LYST: variants seen among roughly 807,000 people sequenced by gnomAD.
The protein encoded by LYST is lysosomal trafficking regulator, also known as lysosomal-trafficking regulator.
In LYST, 192 loss-of-function variants were observed where a neutral mutation model predicts 413.6. The observed-to-expected ratio is 0.46, with a 90% CI of 0.41 to 0.52. The LOEUF is 0.52. LYST is among the 20% of genes least tolerant of loss of function. The pLI is 0.00. For missense variants in LYST, 3,815 were observed against 4,499.9 expected, an observed-to-expected ratio of 0.85 and a Z score of 4.35; for synonymous variants, 1,525 against 1,567.3, an observed-to-expected ratio of 0.97 and a Z score of 0.64.
chr1:235,803,271 T>G (rs540311808), intron 7 of LYST, among the ~76,000 whole-genome samples: 49 of 152,086 alleles, frequency 3.2e-4, no homozygotes, highest in Admixed American at 1.5e-3. Context: ...AAAAAGGGGG[T>G]TTCTAACAAA....
intron 1 of LYST, among the ~76,000 whole-genome samples, chr1:235,851,719 A>C (rs1253389498): frequency 6.6e-6 from 1 of 152,046 alleles, no homozygotes; most frequent in Non-Finnish European, 1.5e-5. Context: ...CACTCTCGAG[A>C]ATACTGAAGC....
In LYST at chr1:235,712,888, C is replaced by G. The variant is rs551658011; in HGVS notation, c.9785-691G>C. On this transcript the variant is annotated intron_variant, in intron 42 of 52. Coordinates refer to ENST00000389793, the MANE Select transcript of LYST (RefSeq NM_000081.4). ...TTTCTGCCAACAATGATCAGACTTTCTAGCCATAGGGAAAGGCCTAGAATA... is the reference window on the plus strand; with the variant it reads ...TTTCTGCCAACAATGATCAGACTTTGTAGCCATAGGGAAAGGCCTAGAATA... The G allele has an allele frequency of 1.5e-5, 15 of 985,254 alleles. No individual in the cohort carries two copies. In the African/African-American group the frequency reaches 1.6e-4, roughly 10 times the overall value. 61.0% of individuals were successfully genotyped at this position (985,254 alleles called of 1,614,324 possible).
intron 3 of LYST, chr1:235,827,477 A>G (rs1675457115): frequency 1.0e-6 from 1 of 983,626 alleles, no homozygotes; most frequent in Non-Finnish European, 1.2e-6. Flanking sequence ...AGAAGCACAG[A>G]TAGAAAAACT....
At chr1:235,747,416 G>T in intron 28 of LYST, 4 of 240,166 alleles carry the variant, frequency 1.7e-5, no homozygotes, top group East Asian at 9.6e-5. Context: ...ATTATAACAG[G>T]TTTTAAAGAC....
chr1:235,808,128 C>G (rs1046817129), intron 5 of LYST, among the ~76,000 whole-genome samples: 1 of 152,132 alleles, frequency 6.6e-6, no homozygotes, highest in African/African-American at 2.4e-5. Context: ...AGTTGTATAT[C>G]TAAAACTTTT....
At chr1:235,729,513 T>G in intron 37 of LYST, 83 bp downstream of exon 37, 2 of 917,074 alleles carry the variant, frequency 2.2e-6, no homozygotes, top group African/African-American at 3.2e-5. Context: ...TTTAATGGCA[T>G]GCTGTCAAAA....
intron 11 of LYST, among the ~76,000 whole-genome samples, 164 bp downstream of exon 11, chr1:235,793,339 A>G (rs536717622): frequency 5.3e-5 from 8 of 152,344 alleles, no homozygotes; most frequent in African/African-American, 1.9e-4. Flanking sequence ...ATATATGCAA[A>G]TAATTGAGTA....
intron 32 of LYST, 102 bp downstream of exon 32, chr1:235,734,381 A>C (rs1028227010): frequency 2.1e-6 from 2 of 934,576 alleles, no homozygotes; most frequent in Non-Finnish European, 3.5e-6. Context: ...TAATCATTTC[A>C]AGTTCATCAT....
rs1208950372 is a variant in LYST at position 235,791,997 on chromosome 1, A to C, written c.4245T>G (p.Pro1415=). 5.0e-6 allele frequency: 8 copies of C among 1,614,160 alleles called. No individual in the cohort carries two copies. The South Asian group carries it at 7.7e-5, about 16-fold the overall frequency. ...CCATGGCCTTACTGTTTAAAATCCC[A>C]GGATACTTTTGTGATGAAACACCGT... The part of the protein sequence containing the change: ...LSNGVSSQKY[P]GILNSKAMGL... The change falls in exon 12 of 53, where the codon CCT becomes CCG. Residue 1415 remains proline, a synonymous_variant. Coordinates refer to ENST00000389793, the MANE Select transcript of LYST (RefSeq NM_000081.4).
At chr1:235,856,426 G>A (rs1231613875) in intron 1 of LYST, among the ~76,000 whole-genome samples, 1 of 152,128 alleles carries the variant, frequency 6.6e-6, no homozygotes, top group Non-Finnish European at 1.5e-5. Flanking sequence ...CCTTTCTGAT[G>A]CCCATTATTC....
chr1:235,780,420 A>AT (rs1558233901), intron 16 of LYST, among the ~76,000 whole-genome samples: 25 of 151,826 alleles, frequency 1.6e-4, no homozygotes, highest in Admixed American at 5.3e-4. Context: ...AAAAAAATAA[A>AT]AAATAAAAAA....
At chr1:235,774,061 A>G (rs570389844) in intron 18 of LYST, 70 bp from the exon 19 acceptor site, 2 of 1,033,546 alleles carry the variant, frequency 1.9e-6, no homozygotes, top group Non-Finnish European at 3.0e-6. Context: ...CAGAAACATT[A>G]AGCTTTCAAT....
rs111371650 is a variant in LYST, at chr1:235,672,264, G to A, written c.11038+4827C>T. ...TGGAACTGGAAAAATAAATTTAGGAGTCATTAGGGAATAACCATGACTTTG... is the reference window on the plus strand; with the variant it reads ...TGGAACTGGAAAAATAAATTTAGGAATCATTAGGGAATAACCATGACTTTG... On this transcript the variant is annotated intron_variant, in intron 50 of 52. Transcript: ENST00000389793. Among the ~76,000 whole-genome samples the A allele has an allele frequency of 4.0e-3, 612 of 152,282 alleles. 3 individuals are homozygous for A. The highest frequency in any genetic ancestry group is 0.014 in the African/African-American group (576 of 41,550).
At chr1:235,751,091 A>T (rs1666447550) in intron 28 of LYST, 119 bp downstream of exon 28, 11 of 1,033,474 alleles carry the variant, frequency 1.1e-5, no homozygotes, top group Non-Finnish European at 1.6e-5. Flanking sequence ...TTCAGGAAAA[A>T]ATCTTTCTTA....
At chr1:235,778,902 T>C (rs1299260184) in intron 16 of LYST, among the ~76,000 whole-genome samples, 7 of 151,948 alleles carry the variant, frequency 4.6e-5, no homozygotes, top group Admixed American at 1.3e-4. Context: ...GTTTGACTCT[T>C]GTTGCCCAGG....
intron 46 of LYST, among the ~76,000 whole-genome samples, chr1:235,695,881 C>T (rs963094062): frequency 2.0e-5 from 3 of 152,136 alleles, no homozygotes; most frequent in African/African-American, 7.2e-5. Context: ...GTGATCTGCC[C>T]GCCTCAGCTT....
intron 30 of LYST, 119 bp downstream of exon 30, chr1:235,743,860 T>C: frequency 1.6e-6 from 1 of 637,994 alleles, no homozygotes; most frequent in South Asian, 2.0e-5. Context: ...GTCCGAGTTT[T>C]AAAAAGCTCT....
chr1:235,729,080 A>G (rs1664140906), intron 37 of LYST, among the ~76,000 whole-genome samples: 1 of 152,218 alleles, frequency 6.6e-6, no homozygotes, highest in South Asian at 2.1e-4. Flanking sequence ...TCTTTAAGGG[A>G]ATAGAGATCA....
rs151071827 is a variant in LYST, at chr1:235,857,806, A to G, written c.-98+9037T>C. Among the ~76,000 whole-genome samples, 6 of 150,530 alleles carry G rather than the reference A, an allele frequency of 4.0e-5. No homozygotes were observed. In the East Asian group the frequency reaches 1.2e-3, roughly 29 times the overall value. The stretch of plus-strand genomic sequence containing the variant: ...ACACATATATATATAAAATTTCACA[A>G]GCCAAGAGAGAAGAGAGGGTTAAGA... On this transcript the variant is annotated intron_variant, in intron 1 of 52. Transcript: ENST00000389793.
Sources: allele counts gnomAD v4.1 joint callset (sites outside exome capture counted in the v4.1 genomes callset), GRCh38; gene constraint gnomAD v4.1.1; transcripts MANE v1.5; gene names NCBI Gene and HGNC (gene_info 2026-07-23, HGNC 2026-07-21).